The following KCTD1 variants were observed in gnomAD, a reference collection of about 807,000 sequenced individuals.
KCTD1 encodes the protein potassium channel tetramerization domain containing 1.
A neutral mutation model predicts 66.0 loss-of-function variants in KCTD1; 24 were observed. That is an observed-to-expected ratio of 0.36 (90% CI 0.26 to 0.51). The LOEUF (loss-of-function observed/expected upper bound fraction) is 0.51. Ranked by LOEUF, KCTD1 falls within the 20% of genes least tolerant of loss-of-function variation. The pLI, the probability that KCTD1 is intolerant of heterozygous loss-of-function variation, is 0.95. For synonymous variants in KCTD1, 511 were observed against 517.2 expected (o/e 0.99, Z 0.16); for missense variants, 943 against 1,205.2 (o/e 0.78, Z 3.22).
At chr18:26,623,329 G>C (rs1184257971) in intron 1 of KCTD1, among the ~76,000 whole-genome samples, 2 of 152,046 alleles carry the variant, frequency 1.3e-5, no homozygotes, top group African/African-American at 2.4e-5. Flanking sequence ...TCCCCATTTT[G>C]GCTGATATGC....
intron 1 of KCTD1, among the ~76,000 whole-genome samples, chr18:26,624,266 TGAG>T (rs1187738270): frequency 4.6e-5 from 7 of 152,296 alleles, no homozygotes; most frequent in African/African-American, 1.2e-4. Flanking sequence ...GCATAAGTAA[TGAG>T]GAGCCAAATG....
chr18:26,508,081 G>C (rs2144704615), intron 1 of KCTD1, among the ~76,000 whole-genome samples: 1 of 152,190 alleles, frequency 6.6e-6, no homozygotes, highest in East Asian at 1.9e-4. Flanking sequence ...TATTTTTAAA[G>C]CCAAAAAAAG....
Position 26,476,678 on chromosome 18 carries a change from A to G in KCTD1, c.1989-19T>C. On this transcript the variant is annotated intron_variant, in intron 2 of 4. Coordinates refer to ENST00000580059, the MANE Select transcript of KCTD1 (RefSeq NM_001142730.3). The surrounding 1 kb of genome is among the most constrained non-coding windows in gnomAD (Gnocchi z 4.9). ...TCCGATTCTGTGATAGAAAAGAGGG[A>G]ACAGTGAAGACAATTAGATCAATTG... 1 of 1,609,150 alleles carries G rather than the reference A, an allele frequency of 6.2e-7. No homozygotes were observed. The highest frequency in any genetic ancestry group is 8.5e-7 in the Non-Finnish European group (1 of 1,177,934).
chr18:26,487,373 AT>A (rs557878158), intron 2 of KCTD1, among the ~76,000 whole-genome samples: 72 of 152,366 alleles, frequency 4.7e-4, no homozygotes, highest in African/African-American at 1.7e-3. Context: ...CTTCAAAAGT[AT>A]ATAGACATTT....
At chr18:26,653,747 G>T (rs1490765981) in intron 1 of KCTD1, among the ~76,000 whole-genome samples, 1 of 152,150 alleles carries the variant, frequency 6.6e-6, no homozygotes, top group Non-Finnish European at 1.5e-5. Context: ...TCATCAACAA[G>T]CAAAACATTA....
chr18:26,638,972 T>C (rs1017876792), intron 1 of KCTD1, among the ~76,000 whole-genome samples: 1 of 152,134 alleles, frequency 6.6e-6, no homozygotes, highest in South Asian at 2.1e-4. Flanking sequence ...CTATCTCTCT[T>C]CAAACCTCAG....
chr18:26,561,390 T>C (rs1268617922), intron 1 of KCTD1, among the ~76,000 whole-genome samples: 1 of 152,200 alleles, frequency 6.6e-6, no homozygotes, highest in African/African-American at 2.4e-5. Context: ...ATTGGGTCCG[T>C]CCATGTGCTG....
intron 3 of KCTD1, among the ~76,000 whole-genome samples, chr18:26,470,619 C>T (rs1475825055): frequency 6.6e-6 from 1 of 152,248 alleles, no homozygotes; most frequent in Non-Finnish European, 1.5e-5. Flanking sequence ...GTGAGAAAAA[C>T]AAATCTCCTA....
intron 2 of KCTD1, among the ~76,000 whole-genome samples, chr18:26,492,459 C>G (rs1567966511): frequency 6.6e-6 from 1 of 151,964 alleles, no homozygotes; most frequent in Non-Finnish European, 1.5e-5. Context: ...CATGGTGAAA[C>G]CCCGTCTCTA....
At chr18:26,492,815 T>A (rs1982274580) in intron 2 of KCTD1, among the ~76,000 whole-genome samples, 1 of 152,056 alleles carries the variant, frequency 6.6e-6, no homozygotes, top group Non-Finnish European at 1.5e-5. Flanking sequence ...GATAGAGGGA[T>A]AAATACAGTT....
At chr18:26,616,735 T>A (rs1342315461) in intron 1 of KCTD1, among the ~76,000 whole-genome samples, 1 of 151,520 alleles carries the variant, frequency 6.6e-6, no homozygotes, top group Admixed American at 6.6e-5. Context: ...CTCAGGCTGG[T>A]CTCAAATTCC....
chr18:26,494,274 G>A (rs1022590023), intron 2 of KCTD1, among the ~76,000 whole-genome samples: 4 of 152,176 alleles, frequency 2.6e-5, no homozygotes, highest in Non-Finnish European at 2.9e-5. Flanking sequence ...AGGAAGCTGA[G>A]GTGGGAGGAT....
At chr18:26,599,958 A>T in intron 1 of KCTD1, 1 of 1,602,838 alleles carries the variant, frequency 6.2e-7, no homozygotes. Flanking sequence ...CTTCTCCTTC[A>T]GTGAAGCCTG....
At chr18:26,491,041 C>T (rs1982172027) in intron 2 of KCTD1, among the ~76,000 whole-genome samples, 1 of 152,178 alleles carries the variant, frequency 6.6e-6, no homozygotes, top group Non-Finnish European at 1.5e-5. Context: ...GTGTGAGCCA[C>T]CGCACCTGGC....
chr18:26,467,023 A>T (rs1031043331), intron 3 of KCTD1, among the ~76,000 whole-genome samples: 2 of 152,160 alleles, frequency 1.3e-5, no homozygotes, highest in Non-Finnish European at 2.9e-5. Flanking sequence ...AATTTTTTTT[A>T]AATGGAAAGG....
intron 1 of KCTD1, among the ~76,000 whole-genome samples, chr18:26,579,051 T>C (rs11665077): frequency 0.21 from 31,309 of 152,074 alleles, 3,463 homozygotes; most frequent in Middle Eastern, 0.28. Context: ...TTTTGTTTTT[T>C]TTTTCAGTCC....
intron 1 of KCTD1, among the ~76,000 whole-genome samples, chr18:26,533,624 G>C (rs372573815): frequency 2.0e-5 from 3 of 152,096 alleles, no homozygotes; most frequent in East Asian, 3.9e-4. Flanking sequence ...TGCAGCCTCC[G>C]AGTAGCTGGG....
intron 3 of KCTD1, among the ~76,000 whole-genome samples, chr18:26,467,144 T>C (rs1370390566): frequency 6.6e-6 from 1 of 152,070 alleles, no homozygotes; most frequent in Non-Finnish European, 1.5e-5. Context: ...TTGTTTTTTT[T>C]TTTTTGGTTT....
At chr18:26,499,894 C>T (rs757347815) in intron 2 of KCTD1, among the ~76,000 whole-genome samples, 2 of 152,220 alleles carry the variant, frequency 1.3e-5, no homozygotes, top group Non-Finnish European at 2.9e-5. Flanking sequence ...ACTTCCCTTA[C>T]AGGATCTGGA....
Sources: gnomAD v4.1 joint callset for allele counts (sites outside exome capture counted in the v4.1 genomes callset) on GRCh38, gnomAD v4.1.1 for gene constraint, Gnocchi (gnomAD v3.1) non-coding constraint, MANE v1.5 for transcripts, NCBI Gene and HGNC (gene_info 2026-07-23, HGNC 2026-07-21) for gene names.